SLC35B1: variants seen among roughly 807,000 people sequenced by gnomAD.
SLC35B1 encodes ATP/ADP exchanger ER.
A neutral mutation model predicts 36.6 loss-of-function variants in SLC35B1; 27 were observed. The observed-to-expected ratio is 0.74, with a 90% confidence interval of 0.54 to 1.02. SLC35B1 has a LOEUF of 1.02. Ranked by LOEUF, SLC35B1 falls within the 50% of genes least tolerant of loss-of-function variation. SLC35B1 has a pLI of 0.00. For synonymous variants in SLC35B1, 162 were observed against 152.5 expected, an observed-to-expected ratio of 1.06 and a Z score of -0.46; for missense variants, 321 against 383.2, an observed-to-expected ratio of 0.84 and a Z score of 1.35.
intron 1 of SLC35B1, chr17:49,707,414 T>G (rs757148251): frequency 6.9e-7 from 1 of 1,442,904 alleles, no homozygotes; most frequent in African/African-American, 1.4e-5. Context: ...TGCAAGCATC[T>G]GGGAGTACCA....
intron 5 of SLC35B1, 111 bp from the exon 6 acceptor site, chr17:49,704,337 T>C (rs1598009751): frequency 7.4e-7 from 1 of 1,354,940 alleles, no homozygotes; most frequent in African/African-American, 1.5e-5. Context: ...GCCTTTAAAG[T>C]CCTCAGAACA....
At chr17:49,702,094 G>C (rs914854758) in intron 8 of SLC35B1, 1 of 169,954 alleles carries the variant, frequency 5.9e-6, no homozygotes, top group Admixed American at 6.0e-5. Context: ...CCCTAGGAAG[G>C]CTGGATTAGA....
intron 8 of SLC35B1, chr17:49,701,720 ATATC>A: frequency 1.9e-6 from 1 of 518,456 alleles, no homozygotes; most frequent in Non-Finnish European, 3.4e-6. Flanking sequence ...CTATATAAAT[ATATC>A]TATATAGAGA....
At chr17:49,708,011 T>C, upstream of SLC35B1, 1 of 1,370,524 alleles carries the variant, frequency 7.3e-7, no homozygotes, top group South Asian at 1.3e-5. Context: ...GGCTCATGGC[T>C]GCCAAGGGGG....
At position 49,705,559 on chromosome 17, in the gene SLC35B1, A is replaced by C. The variant is rs1000276040; in HGVS notation, c.371-278T>G. On this transcript the variant is annotated intron_variant, in intron 4 of 8. Transcript: ENST00000240333. ...CAGTGGAGAAGGAAAAGAAGTTGAG[A>C]TAAAGAAACTGATGATCAAAATGGG... 4 of 585,010 alleles carry C rather than the reference A, an allele frequency of 6.8e-6. No individual in the cohort carries two copies. In the Admixed American group the frequency reaches 9.6e-5, roughly 14 times the overall value. The allele number at this position is 585,010 out of a possible 1,614,324, so 36.2% of individuals were successfully genotyped here.
chr17:49,703,320 C>T (rs373078498), intron 6 of SLC35B1, 26 bp from the exon 7 acceptor site: 38 of 1,466,548 alleles, frequency 2.6e-5, no homozygotes, highest in African/African-American at 5.7e-5. Flanking sequence ...AACAAATGTA[C>T]GGCGCATTTT....
Position 49,705,244 on chromosome 17 carries a change from G to A in SLC35B1, c.408C>T (p.Tyr136=). Reference sequence around the variant, plus strand: ...GCACACACAGGTACTTGGCCAACGGGTACTTCTTCTTCAAGAGGGTCACCC... The same window carrying A: ...GCACACACAGGTACTTGGCCAACGGATACTTCTTCTTCAAGAGGGTCACCC... The part of the protein sequence containing the change: ...LLGVTLLKKK[Y]PLAKYLCVLL... Residue 136 remains tyrosine, a synonymous_variant, in exon 5 of 9, where the codon TAC becomes TAT. Coordinates refer to ENST00000240333, the MANE Select transcript of SLC35B1 (RefSeq NM_005827.4). 1 of 1,614,144 alleles carries A rather than the reference G, an allele frequency of 6.2e-7. No homozygotes were observed. Among genetic ancestry groups the A allele is most frequent in the Admixed American group, 1.7e-5 (1 of 60,018 alleles).
At position 49,706,277 on chromosome 17, in the gene SLC35B1, G is replaced by A. The variant is rs750018364; in HGVS notation, c.266C>T (p.Ala89Val). Residue 89 changes from alanine to valine, a missense_variant, in exon 3 of 9, where the codon GCC (alanine) becomes GTC (valine). Coordinates refer to ENST00000240333, the MANE Select transcript of SLC35B1 (RefSeq NM_005827.4). Reference sequence around the variant, plus strand: ...GGCACCCAGATAGGAGATAGAACAGGCAGCATAGAGCCAGCTCCGGGTACG... The same window carrying A: ...GGCACCCAGATAGGAGATAGAACAGACAGCATAGAGCCAGCTCCGGGTACG... ...VDRTRSWLYA[A>V]CSISYLGAMV... 6.2e-7 allele frequency: 1 copy of A among 1,601,472 alleles called. No individual in the cohort carries two copies. The highest frequency in any genetic ancestry group is 1.1e-5 in the South Asian group (1 of 90,416).
intron 4 of SLC35B1, 185 bp from the exon 5 acceptor site, chr17:49,705,466 T>C: frequency 1.6e-6 from 1 of 623,546 alleles, no homozygotes. Flanking sequence ...CAGGGTTAAG[T>C]ATAAGACAGG....
rs768123183 is a variant in SLC35B1, at chr17:49,704,090, T to TG, written c.655+9dup. ...TGATACATGGGAAGAACAGCAGAAC[T>TG]GGCTCTCACCCATTCCCAGCAGCAA... On this transcript the variant is annotated intron_variant, in intron 6 of 8. Coordinates refer to ENST00000240333, the MANE Select transcript of SLC35B1 (RefSeq NM_005827.4). The TG allele has an allele frequency of 2.0e-5, 32 of 1,613,884 alleles. No homozygotes were observed. The highest frequency in any genetic ancestry group is 3.3e-5 in the Admixed American group (2 of 60,002).
At chr17:49,708,061 A>C, upstream of SLC35B1, 1 of 920,852 alleles carries the variant, frequency 1.1e-6, no homozygotes, top group Non-Finnish European at 1.7e-6. Context: ...TAGGAAAGAA[A>C]ACCCGCCCTG....
chr17:49,707,359 C>A (rs1247056341), intron 1 of SLC35B1: 2 of 1,427,608 alleles, frequency 1.4e-6, no homozygotes, highest in Non-Finnish European at 1.9e-6. Context: ...CAGGAGGAGA[C>A]GGTATTTCGG....
intron 1 of SLC35B1, 162 bp downstream of exon 1, chr17:49,707,568 A>G: frequency 6.8e-7 from 1 of 1,471,594 alleles, no homozygotes. Flanking sequence ...GGAGTTCTGG[A>G]ATTCTGGGTA....
At chr17:49,702,559 C>T (rs907305937) in intron 8 of SLC35B1, 10 of 246,332 alleles carry the variant, frequency 4.1e-5, no homozygotes, top group African/African-American at 2.2e-4. Context: ...ACGGAGAAAC[C>T]CCATCTCTAC....
chr17:49,703,989 G>T, intron 6 of SLC35B1, 111 bp downstream of exon 6: 1 of 1,420,096 alleles, frequency 7.0e-7, no homozygotes. Flanking sequence ...AGGGCATCTT[G>T]GAACTAATTC....
In SLC35B1 at chr17:49,707,863, C is replaced by A. The variant is rs780704576; in HGVS notation, c.-30G>T. 8.1e-6 allele frequency: 13 copies of A among 1,609,786 alleles called. No homozygotes were observed. Among genetic ancestry groups the A allele is most frequent in the Admixed American group, 1.7e-5 (1 of 59,500 alleles). On this transcript the variant is annotated 5_prime_UTR_variant, in exon 1 of 9. Coordinates refer to ENST00000240333, the MANE Select transcript of SLC35B1 (RefSeq NM_005827.4). Reference sequence around the variant, plus strand: ...CGCCCAGAGGAGCCGACTGGAGACCCGCTCACAACCGGCACCGGCAGCAGC... The same window carrying A: ...CGCCCAGAGGAGCCGACTGGAGACCAGCTCACAACCGGCACCGGCAGCAGC...
chr17:49,707,161 T>C, intron 1 of SLC35B1, 93 bp from the exon 2 acceptor site: 1 of 1,383,118 alleles, frequency 7.2e-7, no homozygotes, highest in Non-Finnish European at 1.0e-6. Flanking sequence ...ACTTTAAAAT[T>C]ATCTTGCCTC....
chr17:49,707,633 G>A (rs1414927215), intron 1 of SLC35B1, 97 bp downstream of exon 1: 15 of 1,472,958 alleles, frequency 1.0e-5, no homozygotes, highest in Non-Finnish European at 1.4e-5. Context: ...CAGCCGGGCA[G>A]GAGGACAAGA....
intron 8 of SLC35B1, chr17:49,702,250 C>G (rs963344513): frequency 6.5e-6 from 1 of 154,766 alleles, no homozygotes; most frequent in African/African-American, 2.4e-5. Flanking sequence ...CCCCGAGTAG[C>G]TGGGACCACA....
Sources: gnomAD v4.1 joint callset for allele counts on GRCh38, gnomAD v4.1.1 for gene constraint, MANE v1.5 for transcripts, NCBI Gene and HGNC (gene_info 2026-07-23, HGNC 2026-07-21) for gene names.